Variants in TGS1 observed in about 807,000 individuals in gnomAD.
TGS1 encodes the protein trimethylguanosine synthase 1.
In TGS1, 69 loss-of-function variants were observed where a neutral mutation model predicts 92.2. The observed-to-expected ratio is 0.75, with a 90% CI of 0.62 to 0.91. The LOEUF is 0.91. TGS1 is among the 40% of genes least tolerant of loss of function. The probability of loss-of-function intolerance (pLI) is 0.00; values close to 1 mark genes in which losing one functional copy is unlikely to be tolerated. For synonymous variants in TGS1, 345 were observed against 338.1 expected, an observed-to-expected ratio of 1.02 and a Z score of -0.22; for missense variants, 1,062 against 1,001.2, an observed-to-expected ratio of 1.06 and a Z score of -0.82.
chr8:55,810,973 G>A lies in TGS1; in HGVS notation c.2236G>A (p.Gly746Arg). 1 of 1,614,124 alleles carries A rather than the reference G, an allele frequency of 6.2e-7. No homozygotes were observed. Residue 746 changes from glycine (G) to arginine (R), a missense_variant, in exon 11 of 13, where the codon GGA becomes AGA. Coordinates refer to ENST00000260129, the MANE Select transcript of TGS1 (RefSeq NM_024831.8). ...GIADKIEFIC[G>R]DFLLLASFLK... The stretch of plus-strand genomic sequence containing the variant: ...AGCAGATAAGATAGAGTTCATCTGT[G>A]GAGATTTCTTGCTGCTGGCTTCTTT...
chr8:55,805,879 C>A (rs1328112217), intron 10 of TGS1, among the ~76,000 whole-genome samples: 3 of 63,952 alleles, frequency 4.7e-5, no homozygotes, highest in Non-Finnish European at 8.3e-5. Flanking sequence ...GAGACTCCAT[C>A]TTAAAAAAAA....
At chr8:55,812,537 C>T (rs1803366833) in intron 11 of TGS1, among the ~76,000 whole-genome samples, 1 of 146,206 alleles carries the variant, frequency 6.8e-6, no homozygotes, top group Admixed American at 7.0e-5. Flanking sequence ...ATTAGCTGGG[C>T]ATGTGGTGGT....
At chr8:55,794,455 C>T (rs1016799650) in intron 6 of TGS1, among the ~76,000 whole-genome samples, 2 of 152,170 alleles carry the variant, frequency 1.3e-5, no homozygotes, top group African/African-American at 2.4e-5. Flanking sequence ...TTATTTGTGG[C>T]ATTTTGCTGT....
intron 9 of TGS1, 150 bp downstream of exon 9, chr8:55,802,756 C>T: frequency 1.5e-6 from 1 of 678,610 alleles, no homozygotes; most frequent in Admixed American, 3.1e-5. Flanking sequence ...CTCATTCTCT[C>T]TCCATATGTA....
rs1226939272 is a variant in TGS1, at chr8:55,790,274, C to G, written c.1255C>G (p.His419Asp). The G allele has an allele frequency of 6.2e-7, 1 of 1,613,822 alleles. No individual in the cohort carries two copies. Among genetic ancestry groups the G allele is most frequent in the African/African-American group, 1.3e-5 (1 of 75,042 alleles). Residue 419 changes from histidine to aspartate, a missense_variant, in exon 5 of 13, where the codon CAT (histidine) becomes GAT (aspartate). Physicochemically the swap from His to Asp is moderately conservative, Grantham distance 81. Transcript: ENST00000260129. ...TGAAAGTGAGGAAGACCCACCTGAG[C>G]ATAAGCCAAGCAAACTGAAGAGGAG... ...GDESEEDPPE[H>D]KPSKLKRSHE...
chr8:55,812,851 T>G (rs1803374523), intron 11 of TGS1, among the ~76,000 whole-genome samples, 189 bp from the exon 12 acceptor site: 1 of 152,234 alleles, frequency 6.6e-6, no homozygotes, highest in African/African-American at 2.4e-5. Flanking sequence ...GTCTTTGAAT[T>G]ATGGAGACAA....
rs764965388 is a variant in TGS1 at position 55,786,857 on chromosome 8, GA to G, written c.961del (p.Ile321LeufsTer4). On this transcript the variant is annotated frameshift_variant, in exon 4 of 13. Transcript: ENST00000260129. LOFTEE classifies it high-confidence loss of function. ...AAGGATCATAGTGAAATACTTGATG[GA>G]ATTAGTAACATAAAACTGAATTCAG... ...SDKDHSEILDGISNIKLNSEE... is the reference protein window; with the variant it reads ...SDKDHSEILDXISNIKLNSEE... 6.2e-7 allele frequency: 1 copy of G among 1,614,080 alleles called. No homozygotes were observed. Among genetic ancestry groups the G allele is most frequent in the Non-Finnish European group, 8.5e-7 (1 of 1,179,982 alleles).
In TGS1 at chr8:55,798,912, A is replaced by G; in HGVS notation, c.1543-2A>G. The G allele has an allele frequency of 6.3e-7, 1 of 1,590,666 alleles. No individual in the cohort carries two copies. The highest frequency in any genetic ancestry group is 2.2e-5 in the East Asian group (1 of 44,662). Reference sequence around the variant, plus strand: ...GCTCATGATGTCATCTTAAAATTTAAGGTAGAAAAATTCCTCACATGGGTT... The same window carrying G: ...GCTCATGATGTCATCTTAAAATTTAGGGTAGAAAAATTCCTCACATGGGTT... On this transcript the variant is annotated splice_acceptor_variant, in intron 7 of 12. Transcript: ENST00000260129. LOFTEE classifies it high-confidence loss of function.
At position 55,775,129 on chromosome 8, in the gene TGS1, T is replaced by C. The variant is rs180757312; in HGVS notation, c.101+1410T>C. On this transcript the variant is annotated intron_variant, in intron 1 of 12. Transcript: ENST00000260129. ...ATTAGCCAGCTGTGGTGGCACATGC[T>C]TGTAGTCCCAGCTACTCTGGAGGCT... Among the ~76,000 whole-genome samples, 280 of 152,134 alleles carry C rather than the reference T, an allele frequency of 1.8e-3. 2 individuals are homozygous for C. Among genetic ancestry groups the C allele is most frequent in the Non-Finnish European group, 3.3e-3 (223 of 67,982 alleles).
At chr8:55,779,444 A>G (rs1430370915) in intron 1 of TGS1, among the ~76,000 whole-genome samples, 1 of 152,178 alleles carries the variant, frequency 6.6e-6, no homozygotes, top group Non-Finnish European at 1.5e-5. Context: ...TCAGGACCTG[A>G]CCTGTTAAGC....
intron 12 of TGS1, 29 bp downstream of exon 12, chr8:55,813,147 G>GGCT: frequency 1.3e-6 from 2 of 1,482,646 alleles, no homozygotes; most frequent in Non-Finnish European, 1.9e-6. Flanking sequence ...ACTTCCATGA[G>GGCT]TGTCTGTCTT....
chr8:55,779,827 CAT>C (rs1811511525), intron 1 of TGS1, among the ~76,000 whole-genome samples: 2 of 151,880 alleles, frequency 1.3e-5, no homozygotes, highest in South Asian at 2.1e-4. Context: ...TGAACTGAAA[CAT>C]GTATGCTTTT....
rs1811722307 is a variant in TGS1 at position 55,786,656 on chromosome 8, A to G, written c.758A>G (p.Gln253Arg). The G allele has an allele frequency of 6.2e-7, 1 of 1,614,206 alleles. No homozygotes were observed. Among genetic ancestry groups the G allele is most frequent in the Non-Finnish European group, 8.5e-7 (1 of 1,180,036 alleles). Residue 253 changes from glutamine to arginine, a missense_variant, in exon 4 of 13, where the codon CAG becomes CGG. Transcript: ENST00000260129. ...QLYWYYLEQF[Q>R]YWEAQGWTFD... ...TATTGGTATTATTTGGAACAATTTCAGTATTGGGAAGCTCAGGGTTGGACT... is the reference window on the plus strand; with the variant it reads ...TATTGGTATTATTTGGAACAATTTCGGTATTGGGAAGCTCAGGGTTGGACT...
In TGS1 at chr8:55,786,340, G is replaced by A; in HGVS notation, c.442G>A (p.Glu148Lys). 1 of 1,609,544 alleles carries A rather than the reference G, an allele frequency of 6.2e-7. No individual in the cohort carries two copies. Among genetic ancestry groups the A allele is most frequent in the Non-Finnish European group, 8.5e-7 (1 of 1,178,318 alleles). ...VQESWRKEYEEDDILASDDPS... is the reference protein window; with the variant it reads ...VQESWRKEYEKDDILASDDPS... ...AGAATCTTGGAGAAAAGAATATGAA[G>A]AAGACGACATTTTGGCTTCAGATGA... is the stretch of plus-strand genomic sequence containing the variant. The change falls in exon 4 of 13, where the codon GAA (glutamate) becomes AAA (lysine). Residue 148 changes from glutamate (E) to lysine (K), a missense_variant. Physicochemically the swap from Glu to Lys is moderately conservative, Grantham distance 56. Coordinates refer to ENST00000260129, the MANE Select transcript of TGS1 (RefSeq NM_024831.8).
In TGS1 at chr8:55,805,939, A is replaced by G. The variant is rs192619357; in HGVS notation, c.2143+903A>G. Among the ~76,000 whole-genome samples, 374 of 147,382 alleles carry G rather than the reference A, an allele frequency of 2.5e-3. 1 individual carries two copies. The highest frequency in any genetic ancestry group is 8.6e-3 in the African/African-American group (354 of 41,042). On this transcript the variant is annotated intron_variant, in intron 10 of 12. Transcript: ENST00000260129. ...TAGCCAGGCGTGGTGGTGTGTGCCT[A>G]TAGTCCCAGCTACTCAGGCTGAGAT...
chr8:55,773,571 A>T lies in TGS1; in HGVS notation c.-48A>T. The stretch of plus-strand genomic sequence containing the variant: ...TCCAGTAACCGAGCGGAGGCCCGGC[A>T]GGCGCGACCCGGGCTGCGTACGTCA... On this transcript the variant is annotated 5_prime_UTR_variant, in exon 1 of 13. Coordinates refer to ENST00000260129, the MANE Select transcript of TGS1 (RefSeq NM_024831.8). 1 of 1,475,102 alleles carries T rather than the reference A, an allele frequency of 6.8e-7. No homozygotes were observed. Among genetic ancestry groups the T allele is most frequent in the Non-Finnish European group, 9.3e-7 (1 of 1,070,732 alleles). The allele number at this position is 1,475,102 out of a possible 1,614,324, so 91.4% of individuals were successfully genotyped here. A position where few individuals can be genotyped will look rare whatever the true frequency, so the allele number is the denominator to read the frequency against.
rs1435768226 is a variant in TGS1, at chr8:55,786,887, A to G, written c.989A>G (p.Glu330Gly). ...AGTAACATAAAACTGAATTCAGAGG[A>G]AGTAACACAGAGCCAATTAGATTCC... ...GISNIKLNSE[E>G]VTQSQLDSCT... Residue 330 changes from glutamate (E) to glycine (G), a missense_variant, in exon 4 of 13, where the codon GAA becomes GGA. Glu to Gly is a moderately conservative substitution (Grantham distance 98). Transcript: ENST00000260129. 3 of 1,614,138 alleles carry G rather than the reference A, an allele frequency of 1.9e-6. No homozygotes were observed. Among genetic ancestry groups the G allele is most frequent in the Non-Finnish European group, 2.5e-6 (3 of 1,179,998 alleles).
intron 12 of TGS1, among the ~76,000 whole-genome samples, chr8:55,821,353 C>G (rs1168281800): frequency 2.6e-5 from 4 of 152,116 alleles, no homozygotes; most frequent in Non-Finnish European, 5.9e-5. Flanking sequence ...GAACAGATAC[C>G]TATAAGCTCT....
In TGS1 at chr8:55,824,795, C is replaced by A; in HGVS notation, c.*92C>A. The A allele has an allele frequency of 6.8e-7, 1 of 1,461,170 alleles. No individual in the cohort carries two copies. Among genetic ancestry groups the A allele is most frequent in the South Asian group, 1.3e-5 (1 of 78,086 alleles). The allele number at this position is 1,461,170 out of a possible 1,614,324, so 90.5% of individuals were successfully genotyped here. A position where few individuals can be genotyped will look rare whatever the true frequency, so the allele number is the denominator to read the frequency against. The stretch of plus-strand genomic sequence containing the variant: ...GTCTTCCTTTATTCACTGATATTTT[C>A]TACCCATGGTCTTATATCACCGTAT... On this transcript the variant is annotated 3_prime_UTR_variant, in exon 13 of 13. Transcript: ENST00000260129.
Sources: allele counts gnomAD v4.1 joint callset (sites outside exome capture counted in the v4.1 genomes callset), GRCh38; gene constraint gnomAD v4.1.1; transcripts MANE v1.5; gene names NCBI Gene and HGNC (gene_info 2026-07-23, HGNC 2026-07-21).